PTPRO: variants seen among roughly 807,000 people sequenced by gnomAD.
The protein encoded by PTPRO is protein tyrosine phosphatase receptor type O.
Under a neutral mutation model 145.2 loss-of-function variants are expected in PTPRO, and 62 were observed. The ratio of observed to expected loss-of-function variants is 0.43; its 90% CI spans 0.35 to 0.53. The LOEUF (loss-of-function observed/expected upper bound fraction) is 0.53, where lower values mean the gene tolerates loss of function less well. Ranked by LOEUF, PTPRO falls within the 20% of genes least tolerant of loss-of-function variation. PTPRO has a pLI of 0.01. For missense variants in PTPRO, 1,345 were observed against 1,482.7 expected (o/e 0.91, Z 1.53); for synonymous variants, 565 against 514.7 (o/e 1.10, Z -1.32).
rs536819287 is a variant in PTPRO at position 15,394,560 on chromosome 12, A to T, written c.75+71759A>T. The stretch of plus-strand genomic sequence containing the variant: ...TTATTCATAGGCTGAACAAGAATTA[A>T]TTAGTGTTATGAGGGGACTAATAAC... On this transcript the variant is annotated intron_variant, in intron 1 of 26. Transcript: ENST00000281171. Among the ~76,000 whole-genome samples the T allele has an allele frequency of 2.0e-5, 3 of 152,268 alleles. No homozygotes were observed. The South Asian group carries it at 6.2e-4, about 32-fold the overall frequency.
chr12:15,501,895 T>C lies in PTPRO; in HGVS notation c.937T>C (p.Phe313Leu), dbSNP rs759996122. 3.1e-6 allele frequency: 5 copies of C among 1,614,070 alleles called. No individual in the cohort carries two copies. Among genetic ancestry groups the C allele is most frequent in the Non-Finnish European group, 4.2e-6 (5 of 1,180,000 alleles). Residue 313 changes from phenylalanine to leucine, a missense_variant, in exon 5 of 27, where the codon TTT becomes CTT. Transcript: ENST00000281171. ...ASAAPESEDE[F>L]VSVLPMEYEN... ...TGCAGCTCCTGAAAGTGAAGATGAA[T>C]TTGTCAGCGTACTTCCCATGGAATA...
At chr12:15,384,409 C>G (rs1428764363) in intron 1 of PTPRO, among the ~76,000 whole-genome samples, 1 of 152,138 alleles carries the variant, frequency 6.6e-6, no homozygotes, top group Non-Finnish European at 1.5e-5. Context: ...AATGTGTTTT[C>G]TCATAGTTCT....
chr12:15,464,299 A>G (rs1941367033), intron 1 of PTPRO, among the ~76,000 whole-genome samples: 2 of 152,140 alleles, frequency 1.3e-5, no homozygotes, highest in Non-Finnish European at 1.5e-5. Flanking sequence ...TGGATCTAAC[A>G]CACAGCCACT....
At chr12:15,331,648 A>G (rs750257949) in intron 1 of PTPRO, among the ~76,000 whole-genome samples, 3 of 152,228 alleles carry the variant, frequency 2.0e-5, no homozygotes, top group Non-Finnish European at 4.4e-5. Context: ...AAATAGGCAA[A>G]GTGAAGTCAA....
Position 15,508,725 on chromosome 12 carries a change from A to G in PTPRO, c.1422A>G (p.Lys474=). The part of the protein sequence containing the change: ...IVSVVSLTCQ[K]QKESQRLEKQ... ...CTGTGGTGTCGCTGACCTGCCAGAA[A>G]CAAAAGGAGAGCCAGAGGCTTGAAA... Residue 474 remains lysine, a synonymous_variant, in exon 7 of 27, where the codon AAA becomes AAG. Coordinates refer to ENST00000281171, the MANE Select transcript of PTPRO (RefSeq NM_030667.3). The G allele has an allele frequency of 1.9e-6, 3 of 1,614,138 alleles. No homozygotes were observed. The African/African-American group carries it at 4.0e-5, about 22-fold the overall frequency.
intron 4 of PTPRO, 114 bp downstream of exon 4, chr12:15,499,708 T>C: frequency 8.2e-7 from 1 of 1,224,164 alleles, no homozygotes; most frequent in Non-Finnish European, 1.2e-6. Flanking sequence ...AGAAAATATA[T>C]ATGTTTAATA....
intron 1 of PTPRO, among the ~76,000 whole-genome samples, chr12:15,359,590 A>ATTTT (rs1938110984): frequency 6.6e-6 from 1 of 150,674 alleles, no homozygotes; most frequent in Non-Finnish European, 1.5e-5. Context: ...TTATTTATTT[A>ATTTT]GTATTTTTAG....
At chr12:15,477,393 C>T (rs1941679546) in intron 1 of PTPRO, among the ~76,000 whole-genome samples, 1 of 146,744 alleles carries the variant, frequency 6.8e-6, no homozygotes, top group Non-Finnish European at 1.5e-5. Context: ...GGAGATATAC[C>T]TAATGCTAGA....
rs201232089 is a variant in PTPRO, at chr12:15,578,951, C to T, written c.2920+8C>T. The T allele has an allele frequency of 3.5e-5, 55 of 1,559,468 alleles. No individual in the cohort carries two copies. The Middle Eastern group carries it at 5.0e-4, about 14-fold the overall frequency. On this transcript the variant is annotated splice_region_variant and intron_variant, in intron 20 of 26. Coordinates refer to ENST00000281171, the MANE Select transcript of PTPRO (RefSeq NM_030667.3). ...ACACAAACATCCTACCATGTAAGAT[C>T]GTCAATTGTGCCAATAACACTCATG... is the stretch of plus-strand genomic sequence containing the variant.
At chr12:15,387,217 T>A (rs1939053595) in intron 1 of PTPRO, among the ~76,000 whole-genome samples, 1 of 152,158 alleles carries the variant, frequency 6.6e-6, no homozygotes, top group African/African-American at 2.4e-5. Context: ...TACTCAGTGA[T>A]CAGAATCTCC....
At chr12:15,562,408 A>T (rs1248592918) in intron 17 of PTPRO, among the ~76,000 whole-genome samples, 19 of 151,996 alleles carry the variant, frequency 1.3e-4, no homozygotes, top group Non-Finnish European at 2.6e-4. Context: ...AACAAGAGCC[A>T]TCTCCCCAGA....
chr12:15,406,561 A>G (rs976902718), intron 1 of PTPRO, among the ~76,000 whole-genome samples: 7 of 152,188 alleles, frequency 4.6e-5, no homozygotes, highest in African/African-American at 1.7e-4. Flanking sequence ...ATTTCTGATT[A>G]GGCTGATTAT....
chr12:15,522,068 T>C (rs1011595643), intron 10 of PTPRO, among the ~76,000 whole-genome samples: 3 of 152,154 alleles, frequency 2.0e-5, no homozygotes, highest in Admixed American at 2.0e-4. Flanking sequence ...ACAGAGATGG[T>C]CTCAATTTTC....
chr12:15,386,858 T>C (rs1939044293), intron 1 of PTPRO, among the ~76,000 whole-genome samples: 1 of 152,176 alleles, frequency 6.6e-6, no homozygotes, highest in Non-Finnish European at 1.5e-5. Context: ...CCCACCTTCC[T>C]CTCCAACAGT....
At position 15,524,920 on chromosome 12, in the gene PTPRO, T is replaced by C. The variant is rs1942806978; in HGVS notation, c.1998T>C (p.Leu666=). Residue 666 remains leucine (L), a synonymous_variant, in exon 11 of 27, where the codon CTT becomes CTC. Transcript: ENST00000281171. ...CGGACTTGTCCCATTCTAGAATGCT[T>C]CACTGGATGGTGGTTGCAGAAGGAA... ...DTTDLSHSRM[L]HWMVVAEGKK... is the part of the protein sequence containing the mutation. 1 of 1,614,004 alleles carries C rather than the reference T, an allele frequency of 6.2e-7. No individual in the cohort carries two copies. The highest frequency in any genetic ancestry group is 1.3e-5 in the African/African-American group (1 of 74,942).
At chr12:15,465,198 A>C (rs1442466246) in intron 1 of PTPRO, among the ~76,000 whole-genome samples, 2 of 152,212 alleles carry the variant, frequency 1.3e-5, no homozygotes, top group African/African-American at 2.4e-5. Flanking sequence ...TTTGAGCTTC[A>C]TTTATAAAAC....
intron 1 of PTPRO, among the ~76,000 whole-genome samples, chr12:15,407,820 G>C (rs1489347846): frequency 6.6e-6 from 1 of 152,192 alleles, no homozygotes; most frequent in Non-Finnish European, 1.5e-5. Context: ...CTTTGTGTGA[G>C]AGACTTGAAA....
At chr12:15,392,188 A>C (rs1355163903) in intron 1 of PTPRO, among the ~76,000 whole-genome samples, 2 of 152,220 alleles carry the variant, frequency 1.3e-5, no homozygotes, top group Non-Finnish European at 2.9e-5. Context: ...CAGATGTCTT[A>C]TAAGCCCTAG....
chr12:15,568,724 A>T (rs921251819), intron 18 of PTPRO, among the ~76,000 whole-genome samples: 1 of 152,210 alleles, frequency 6.6e-6, no homozygotes, highest in African/African-American at 2.4e-5. Context: ...ATGCAGAAAC[A>T]TAGCTCAGAT....
Sources: gnomAD v4.1 joint callset for allele counts (sites outside exome capture counted in the v4.1 genomes callset) on GRCh38, gnomAD v4.1.1 for gene constraint, MANE v1.5 for transcripts, NCBI Gene and HGNC (gene_info 2026-07-23, HGNC 2026-07-21) for gene names.